Variants in GABRA3 observed in about 807,000 individuals in gnomAD.
GABRA3 encodes gamma-aminobutyric acid type A receptor subunit alpha3, also known as gamma-aminobutyric acid receptor subunit alpha-3.
GABRA3 carries 10 observed loss-of-function variants against 30.1 expected under a neutral mutation model. That is an observed-to-expected ratio of 0.33 (90% CI 0.20 to 0.56). GABRA3 has a LOEUF of 0.56. GABRA3 is among the 20% of genes least tolerant of loss of function. GABRA3 has a pLI of 0.89. For synonymous variants in GABRA3, 151 were observed against 146.8 expected (o/e 1.03, Z -0.21); for missense variants, 233 against 392.0 (o/e 0.59, Z 3.42).
At chrX:152,445,216 A>C (rs1238605365) in intron 1 of GABRA3, among the ~76,000 whole-genome samples, 8 of 110,283 alleles carry the variant, frequency 7.3e-5, no homozygotes, top group Non-Finnish European at 1.3e-4. Flanking sequence ...CAATACGTTT[A>C]AAATCATGCT....
intron 9 of GABRA3, among the ~76,000 whole-genome samples, chrX:152,170,481 T>A (rs1040930050): frequency 4.5e-5 from 5 of 111,520 alleles, no homozygotes; most frequent in Non-Finnish European, 9.4e-5. Context: ...GCCCAGCTAT[T>A]TTTTTGTTTT....
At chrX:152,326,465 T>A (rs761263434) in intron 3 of GABRA3, among the ~76,000 whole-genome samples, 1 of 111,362 alleles carries the variant, frequency 9.0e-6, no homozygotes, top group Non-Finnish European at 1.9e-5. Context: ...AAAGGTCGGG[T>A]TACCCACAAA....
intron 1 of GABRA3, among the ~76,000 whole-genome samples, chrX:152,384,848 C>T (rs757979568): frequency 3.0e-4 from 34 of 111,542 alleles, no homozygotes; most frequent in African/African-American, 9.1e-4. Flanking sequence ...ACACATCATA[C>T]GTATATCTGA....
intron 1 of GABRA3, among the ~76,000 whole-genome samples, chrX:152,445,675 T>C (rs1239447481): frequency 9.0e-6 from 1 of 111,507 alleles, no homozygotes; most frequent in Non-Finnish European, 1.9e-5. Flanking sequence ...GAGCAGAACA[T>C]GAACTATAGA....
intron 6 of GABRA3, among the ~76,000 whole-genome samples, chrX:152,216,436 ACACAC>A (rs1937725807): frequency 1.0e-5 from 1 of 97,968 alleles, no homozygotes; most frequent in Admixed American, 1.1e-4. Flanking sequence ...ACACACACAC[ACACAC>A]AATGGAATGC....
At chrX:152,377,218 T>C (rs978349669) in intron 1 of GABRA3, among the ~76,000 whole-genome samples, 5 of 111,941 alleles carry the variant, frequency 4.5e-5, no homozygotes, top group African/African-American at 1.6e-4. Flanking sequence ...TGTACTCTTC[T>C]GTGAGGTATA....
intron 1 of GABRA3, among the ~76,000 whole-genome samples, chrX:152,414,211 A>T (rs920069707): frequency 2.7e-5 from 3 of 111,045 alleles, no homozygotes; most frequent in Admixed American, 9.6e-5. Context: ...AATAGGATCA[A>T]GCTGGACACA....
intron 4 of GABRA3, among the ~76,000 whole-genome samples, chrX:152,275,211 A>ATTTATATATATT (rs1939033262): frequency 5.1e-5 from 3 of 58,676 alleles, no homozygotes; most frequent in Non-Finnish European, 8.2e-5. Context: ...TATATATATA[A>ATTTATATATATT]TATTATATAT....
intron 6 of GABRA3, among the ~76,000 whole-genome samples, chrX:152,209,255 C>T (rs17326759): frequency 0.11 from 12,576 of 110,692 alleles, 813 homozygotes; most frequent in East Asian, 0.32. Flanking sequence ...TTAACAGGGG[C>T]GTGAGTAAGG....
chrX:152,408,883 T>C (rs888418891), intron 1 of GABRA3, among the ~76,000 whole-genome samples: 7 of 111,349 alleles, frequency 6.3e-5, no homozygotes, highest in Admixed American at 4.8e-4. Context: ...TATAGACCAA[T>C]GGAATAGAAT....
In GABRA3 at chrX:152,215,021, T is replaced by C. The variant is rs772501589; in HGVS notation, c.635-6877A>G. Among the ~76,000 whole-genome samples, 22 of 103,201 alleles carry C rather than the reference T, an allele frequency of 2.1e-4. 1 individual carries two copies. In the South Asian group the frequency reaches 9.9e-3, roughly 47 times the overall value. The allele number at this position is 103,201 out of a possible 115,157, so 89.6% of individuals were successfully genotyped here. A position where few individuals can be genotyped will look rare whatever the true frequency, so the allele number is the denominator to read the frequency against. ...ACACATATATATATACACACACATATATGTATGTGTGTATGGATATATATA... is the reference window on the plus strand; with the variant it reads ...ACACATATATATATACACACACATACATGTATGTGTGTATGGATATATATA... On this transcript the variant is annotated intron_variant, in intron 6 of 9. Transcript: ENST00000370314.
chrX:152,180,267 G>A (rs1274551768), intron 9 of GABRA3, among the ~76,000 whole-genome samples: 1 of 111,982 alleles, frequency 8.9e-6, no homozygotes, highest in African/African-American at 3.2e-5. Flanking sequence ...ATATCTCATT[G>A]TGGTTTTAAT....
rs905992060 is a variant in GABRA3, at chrX:152,214,908, T to C, written c.635-6764A>G. On this transcript the variant is annotated intron_variant, in intron 6 of 9. Coordinates refer to ENST00000370314, the MANE Select transcript of GABRA3 (RefSeq NM_000808.4). ...TAGAAATGGTACTGACTTTTGTATG[T>C]GGATTTTGTATCCTTCCACGTTGCT... 5.5e-5 allele frequency among the ~76,000 whole-genome samples: 6 copies of C among 109,667 alleles called. 1 individual carries two copies. In the Admixed American group the frequency reaches 5.9e-4, roughly 11 times the overall value.
intron 1 of GABRA3, among the ~76,000 whole-genome samples, chrX:152,431,152 C>G (rs1335527956): frequency 9.0e-6 from 1 of 111,389 alleles, no homozygotes; most frequent in East Asian, 2.8e-4. Flanking sequence ...TTCAGATTTC[C>G]TAGCAGATAC....
At chrX:152,427,008 T>C (rs982535503) in intron 1 of GABRA3, among the ~76,000 whole-genome samples, 1 of 111,853 alleles carries the variant, frequency 8.9e-6, no homozygotes, top group African/African-American at 3.2e-5. Flanking sequence ...GCACTTTATA[T>C]TTATTAAGTT....
chrX:152,417,552 G>A (rs1247921148), intron 1 of GABRA3, among the ~76,000 whole-genome samples: 1 of 97,695 alleles, frequency 1.0e-5, no homozygotes, highest in African/African-American at 3.9e-5. Context: ...TATAAATCAT[G>A]CTGCTATAAA....
At chrX:152,293,332 T>C (rs1437739555) in intron 3 of GABRA3, among the ~76,000 whole-genome samples, 1 of 111,798 alleles carries the variant, frequency 8.9e-6, no homozygotes, top group Admixed American at 9.5e-5. Flanking sequence ...TTTTGATCTT[T>C]GTTGGTTTAA....
intron 7 of GABRA3, among the ~76,000 whole-genome samples, chrX:152,202,386 G>C (rs773457170): frequency 2.7e-5 from 3 of 111,717 alleles, no homozygotes; most frequent in Non-Finnish European, 5.6e-5. Context: ...AGGTATAAAA[G>C]TGTGTGCAGC....
intron 4 of GABRA3, among the ~76,000 whole-genome samples, chrX:152,266,853 T>A (rs1184625255): frequency 1.8e-5 from 2 of 111,911 alleles, no homozygotes; most frequent in Non-Finnish European, 3.8e-5. Flanking sequence ...TACTGCTATA[T>A]CTACACCACA....
Sources: gnomAD v4.1 joint callset for allele counts (sites outside exome capture counted in the v4.1 genomes callset) on GRCh38, gnomAD v4.1.1 for gene constraint, MANE v1.5 for transcripts, NCBI Gene and HGNC (gene_info 2026-07-23, HGNC 2026-07-21) for gene names.